UNC93A: variants seen among roughly 807,000 people sequenced by gnomAD.
UNC93A encodes N-acetylglucosamine transporter UNC93A.
Under a neutral mutation model 47.5 loss-of-function variants are expected in UNC93A, and 43 were observed. The ratio of observed to expected loss-of-function variants is 0.91; its 90% CI spans 0.71 to 1.17. The LOEUF (loss-of-function observed/expected upper bound fraction) is 1.17, where lower values mean the gene tolerates loss of function less well. Ranked by LOEUF, UNC93A falls within the 50% of genes most tolerant of loss-of-function variation. UNC93A has a pLI of 0.00. For synonymous variants in UNC93A, 280 were observed against 258.0 expected (o/e 1.09, Z -0.82); for missense variants, 605 against 577.6 (o/e 1.05, Z -0.49).
At chr6:167,287,688 T>TGC (rs1783762339), upstream of UNC93A, among the ~76,000 whole-genome samples, 2 of 150,620 alleles carry the variant, frequency 1.3e-5, no homozygotes, top group Admixed American at 1.3e-4. Flanking sequence ...AAAAAGGGTG[T>TGC]GTGTGTGTGT....
In UNC93A at chr6:167,303,985, A is replaced by C. The variant is rs34957443; in HGVS notation, c.692A>C (p.Glu231Ala). The change falls in exon 5 of 8, where the codon GAA becomes GCA. Residue 231 changes from glutamate (E) to alanine (A), a missense_variant. By Grantham distance (107) the Glu-to-Ala change is moderately radical. Transcript: ENST00000230256. ...CAACCCATACGAGATGTTCAGCGGG[A>C]AAGTGAAGGAGAGAAGAAATCAGTA... ...FLQPIRDVQR[E>A]SEGEKKSVPF... The C allele has an allele frequency of 1.7e-3, 2,715 of 1,613,030 alleles. 40 individuals are homozygous for C. The African/African-American group carries it at 0.029, about 17-fold the overall frequency.
rs764938594 is a variant in UNC93A at position 167,298,037 on chromosome 6, C to T, written c.592C>T (p.Gln198Ter). The change falls in exon 4 of 8, where the codon CAG becomes TAG. Residue 198 changes from glutamine to a stop codon, truncating the protein, a stop_gained. Transcript: ENST00000230256. LOFTEE classifies it high-confidence loss of function. ...CAACAGCACCCAGAGGCCCTCCCAG[C>T]AGCTGGTCTACACCCTCCTGGGCAT... ...TTNSTQRPSQ[Q>*]LVYTLLGIYT... 1.2e-6 allele frequency: 2 copies of T among 1,613,462 alleles called. No individual in the cohort carries two copies. Among genetic ancestry groups the T allele is most frequent in the South Asian group, 1.1e-5 (1 of 90,978 alleles).
chr6:167,272,916 C>G (rs1192144296), intron 1 of UNC93A, among the ~76,000 whole-genome samples: 1 of 152,054 alleles, frequency 6.6e-6, no homozygotes, highest in Admixed American at 6.5e-5. Flanking sequence ...TGAGGTCTGT[C>G]CGGCCCCCAC....
chr6:167,286,649 T>G (rs1783738700), upstream of UNC93A, among the ~76,000 whole-genome samples: 2 of 152,092 alleles, frequency 1.3e-5, no homozygotes, highest in South Asian at 4.1e-4. Flanking sequence ...TTTGTCTGTA[T>G]AGACAAAAAT....
chr6:167,275,552 C>T (rs932476611), intron 1 of UNC93A, among the ~76,000 whole-genome samples: 2 of 152,216 alleles, frequency 1.3e-5, no homozygotes, highest in African/African-American at 4.8e-5. Flanking sequence ...AGAGTGGTAA[C>T]TTCCTGATGT....
rs141660233 is a variant in UNC93A at position 167,275,056 on chromosome 6, G to A, written c.-52+3598G>A. Among the ~76,000 whole-genome samples, 279 of 152,342 alleles carry A rather than the reference G, an allele frequency of 1.8e-3. 1 individual carries two copies. The highest frequency in any genetic ancestry group is 2.7e-3 in the Non-Finnish European group (183 of 68,036). On this transcript the variant is annotated intron_variant, in intron 1 of 3. Transcript: ENST00000503433. ...GCTTTTCCAATGGCAGCAACACCAC[G>A]TGGAAGTGTTGAGGGGGCCTCCTTC...
chr6:167,315,282 A>G lies in UNC93A; in HGVS notation c.1204A>G (p.Ser402Gly), dbSNP rs980097402. Reference sequence around the variant, plus strand: ...GGGCTTCGTCATTGCCTTCGGGTACAGCATGTTTTTGTGCGTGCACGTCAA... The same window carrying G: ...GGGCTTCGTCATTGCCTTCGGGTACGGCATGTTTTTGTGCGTGCACGTCAA... ...ALGFVIAFGY[S>G]MFLCVHVKLY... Residue 402 changes from serine (S) to glycine (G), a missense_variant, in exon 8 of 8, where the codon AGC (serine) becomes GGC (glycine). By Grantham distance (56) the Ser-to-Gly change is moderately conservative. Transcript: ENST00000230256. 1.2e-6 allele frequency: 2 copies of G among 1,613,062 alleles called. No homozygotes were observed. The highest frequency in any genetic ancestry group is 1.7e-5 in the Admixed American group (1 of 59,944).
chr6:167,290,212 C>T (rs764495165), upstream of UNC93A, among the ~76,000 whole-genome samples: 69 of 152,276 alleles, frequency 4.5e-4, no homozygotes, highest in Middle Eastern at 3.4e-3. Flanking sequence ...TGCTAGACTG[C>T]GTGGCTCTTA....
chr6:167,312,941 G>A (rs773604695), intron 7 of UNC93A, among the ~76,000 whole-genome samples: 4 of 152,188 alleles, frequency 2.6e-5, no homozygotes, highest in Non-Finnish European at 4.4e-5. Flanking sequence ...ATCCACACGT[G>A]TGGCTTCCCC....
At chr6:167,295,534 G>A (rs911545274) in intron 2 of UNC93A, among the ~76,000 whole-genome samples, 1 of 93,336 alleles carries the variant, frequency 1.1e-5, no homozygotes, top group Non-Finnish European at 1.9e-5. Flanking sequence ...CGCCTGCCTC[G>A]TGCTCCTCGC....
Position 167,281,688 on chromosome 6 carries a change from A to T in UNC93A, c.-51-9751A>T, listed in dbSNP as rs1252031068. Among the ~76,000 whole-genome samples the T allele has an allele frequency of 2.4e-4, 37 of 152,118 alleles. 2 individuals are homozygous for T. The highest frequency in any genetic ancestry group is 4.4e-5 in the Non-Finnish European group (3 of 68,026). The stretch of plus-strand genomic sequence containing the variant: ...TGGATTAGGGGCTGTCAAAAAGGTG[A>T]GAGGGGCTTTTGGCCTCATGGAGTT... On this transcript the variant is annotated intron_variant, in intron 1 of 3. Coordinates refer to the UNC93A transcript ENST00000503433.
intron 7 of UNC93A, among the ~76,000 whole-genome samples, chr6:167,312,917 A>C (rs1778598061): frequency 6.6e-6 from 1 of 152,178 alleles, no homozygotes; most frequent in African/African-American, 2.4e-5. Flanking sequence ...CCTCCCCTAG[A>C]CTGGGCTGAT....
intron 4 of UNC93A, among the ~76,000 whole-genome samples, chr6:167,299,604 C>T (rs902871705): frequency 2.0e-5 from 3 of 152,172 alleles, no homozygotes; most frequent in South Asian, 2.1e-4. Context: ...CCCAACTAAC[C>T]GAGACCAGTC....
In UNC93A at chr6:167,296,137, G is replaced by A; in HGVS notation, c.375G>A (p.Lys125=). The A allele has an allele frequency of 6.2e-7, 1 of 1,614,224 alleles. No homozygotes were observed. The highest frequency in any genetic ancestry group is 8.5e-7 in the Non-Finnish European group (1 of 1,180,058). Residue 125 remains lysine, a synonymous_variant, in exon 3 of 8, where the codon AAG becomes AAA. Transcript: ENST00000230256. ...LTITGNTHAE[K]AGKRGKDMVN... ...TCACGGGAAACACACATGCAGAGAA[G>A]GCGGGAAAGCGTGGCAAAGACATGG...
In UNC93A at chr6:167,302,009, A is replaced by T. The variant is rs558681838; in HGVS notation, c.626-1910A>T. Among the ~76,000 whole-genome samples the T allele has an allele frequency of 4.6e-5, 7 of 152,252 alleles. No homozygotes were observed. In the South Asian group the frequency reaches 1.5e-3, roughly 32 times the overall value. ...CCTGCTTTCATACGAAATTTCACAA[A>T]CTTCATGAGAATCTTGAGTTATGAA... On this transcript the variant is annotated intron_variant, in intron 4 of 7. Transcript: ENST00000230256.
chr6:167,288,670 A>G (rs1783786436), upstream of UNC93A, among the ~76,000 whole-genome samples: 1 of 152,236 alleles, frequency 6.6e-6, no homozygotes, highest in Non-Finnish European at 1.5e-5. Flanking sequence ...AATTGATATT[A>G]ATTTGCTTAC....
intron 2 of UNC93A, 86 bp from the exon 3 acceptor site, chr6:167,295,946 C>T: frequency 1.5e-6 from 2 of 1,315,080 alleles, no homozygotes; most frequent in Admixed American, 2.0e-5. Context: ...GTTCCTTCTC[C>T]CAGATTGACT....
chr6:167,279,202 A>G (rs1445372660), intron 1 of UNC93A, among the ~76,000 whole-genome samples: 1 of 152,180 alleles, frequency 6.6e-6, no homozygotes, highest in Non-Finnish European at 1.5e-5. Flanking sequence ...TCTTTGAACT[A>G]TTTTACAACT....
chr6:167,301,815 A>T (rs984681413), intron 4 of UNC93A, among the ~76,000 whole-genome samples: 1 of 152,102 alleles, frequency 6.6e-6, no homozygotes, highest in African/African-American at 2.4e-5. Context: ...CCTTTTCCAC[A>T]TGGTCTACAC....
Sources: gnomAD v4.1 joint callset for allele counts (sites outside exome capture counted in the v4.1 genomes callset) on GRCh38, gnomAD v4.1.1 for gene constraint, MANE v1.5 for transcripts, NCBI Gene and HGNC (gene_info 2026-07-23, HGNC 2026-07-21) for gene names.